KCNB2: variants seen among roughly 807,000 people sequenced by gnomAD.
KCNB2 encodes the protein potassium voltage-gated channel subfamily B member 2, also known as delayed rectifier potassium channel protein.
KCNB2 carries 15 observed loss-of-function variants against 61.5 expected under a neutral mutation model. The ratio of observed to expected loss-of-function variants is 0.24; its 90% confidence interval spans 0.16 to 0.38. KCNB2 has a LOEUF of 0.38. Among genes scored for constraint, KCNB2 ranks in the 10% least tolerant of loss-of-function variants. The pLI is 1.00. For missense variants in KCNB2, 828 were observed against 1,125.2 expected (o/e 0.74, Z 3.78); for synonymous variants, 457 against 446.0 (o/e 1.02, Z -0.31).
At chr8:72,722,230 C>G (rs1807562860) in intron 2 of KCNB2, among the ~76,000 whole-genome samples, 1 of 152,208 alleles carries the variant, frequency 6.6e-6, no homozygotes, top group African/African-American at 2.4e-5. Flanking sequence ...CCTGCACATT[C>G]TCTGGCCCCC....
In KCNB2 at chr8:72,784,887, A is replaced by G. The variant is rs1438425866; in HGVS notation, c.580-151048A>G. 3.3e-5 allele frequency among the ~76,000 whole-genome samples: 5 copies of G among 152,084 alleles called. No individual in the cohort carries two copies. In the East Asian group the frequency reaches 9.6e-4, roughly 29 times the overall value. Reference sequence around the variant, plus strand: ...CTTGCCCCTCATCCCCTGCACAATAAAAGTTTGTTGAAGGAGAAAGGAACC... The same window carrying G: ...CTTGCCCCTCATCCCCTGCACAATAGAAGTTTGTTGAAGGAGAAAGGAACC... On this transcript the variant is annotated intron_variant, in intron 2 of 2. Coordinates refer to ENST00000523207, the MANE Select transcript of KCNB2 (RefSeq NM_004770.3).
chr8:72,609,136 T>C (rs1459702610), intron 2 of KCNB2, among the ~76,000 whole-genome samples: 4 of 152,168 alleles, frequency 2.6e-5, no homozygotes, highest in African/African-American at 9.7e-5. Flanking sequence ...ACCCAGAGCA[T>C]TGAAGAGAAT....
At chr8:72,917,694 A>G (rs1806429621) in intron 2 of KCNB2, among the ~76,000 whole-genome samples, 1 of 152,240 alleles carries the variant, frequency 6.6e-6, no homozygotes, top group Non-Finnish European at 1.5e-5. Context: ...ATACCAAAAT[A>G]TATTTTCCAG....
At chr8:72,732,812 C>T (rs909151641) in intron 2 of KCNB2, among the ~76,000 whole-genome samples, 1 of 152,146 alleles carries the variant, frequency 6.6e-6, no homozygotes, top group African/African-American at 2.4e-5. Context: ...GCTGCCTACT[C>T]AGCCCTGGTG....
intron 2 of KCNB2, among the ~76,000 whole-genome samples, chr8:72,697,768 ATGAT>A (rs1807041562): frequency 6.6e-6 from 1 of 152,328 alleles, no homozygotes; most frequent in African/African-American, 2.4e-5. Flanking sequence ...CATTAAAAAA[ATGAT>A]TTTTTTTCTA....
At chr8:72,560,821 T>G (rs960997568) in intron 1 of KCNB2, among the ~76,000 whole-genome samples, 1 of 152,172 alleles carries the variant, frequency 6.6e-6, no homozygotes, top group African/African-American at 2.4e-5. Context: ...GTTTTTTTTC[T>G]GGTCAGCTAT....
intron 2 of KCNB2, among the ~76,000 whole-genome samples, chr8:72,668,533 A>C (rs1011787219): frequency 6.6e-6 from 1 of 151,876 alleles, no homozygotes; most frequent in Admixed American, 6.6e-5. Context: ...TTTACTGCAC[A>C]CTCACCAGCC....
At chr8:72,782,250 AG>A (rs1165991306) in intron 2 of KCNB2, among the ~76,000 whole-genome samples, 1 of 152,164 alleles carries the variant, frequency 6.6e-6, no homozygotes, top group Non-Finnish European at 1.5e-5. Context: ...TAAGAATTCC[AG>A]GGAAGTCCAC....
Position 72,537,814 on chromosome 8 carries a change from A to T in KCNB2, c.-165A>T, listed in dbSNP as rs1407181624. ...TCGCGGGGAGAGGCTCCCCGGAGGG[A>T]GCGGGGAATCCCACAGCCCTTTGTG... is the stretch of plus-strand genomic sequence containing the variant. On this transcript the variant is annotated 5_prime_UTR_variant, in exon 1 of 3. Coordinates refer to ENST00000523207, the MANE Select transcript of KCNB2 (RefSeq NM_004770.3). The T allele has an allele frequency of 6.6e-6, 1 of 151,944 alleles. No homozygotes were observed. The highest frequency in any genetic ancestry group is 1.5e-5 in the Non-Finnish European group (1 of 68,120). The allele number at this position is 151,944 out of a possible 1,614,324, so 9.4% of individuals were successfully genotyped here.
At chr8:72,583,464 GCAAAAAAAAAA>G (rs1302564470) in intron 2 of KCNB2, among the ~76,000 whole-genome samples, 2 of 143,398 alleles carry the variant, frequency 1.4e-5, no homozygotes, top group Admixed American at 1.4e-4. Flanking sequence ...AAATTCTGTG[GCAAAAAAAAAA>G]CAAAAAAAAA....
At chr8:72,733,804 C>T (rs927224826) in intron 2 of KCNB2, among the ~76,000 whole-genome samples, 5 of 151,826 alleles carry the variant, frequency 3.3e-5, no homozygotes, top group Non-Finnish European at 5.9e-5. Context: ...GTGGATGACT[C>T]GGAAGGCACC....
At chr8:72,818,672 A>G (rs1431255258) in intron 2 of KCNB2, among the ~76,000 whole-genome samples, 1 of 152,146 alleles carries the variant, frequency 6.6e-6, no homozygotes, top group Non-Finnish European at 1.5e-5. Flanking sequence ...TTTCTTATTC[A>G]TCTGCTAATT....
intron 2 of KCNB2, among the ~76,000 whole-genome samples, chr8:72,639,144 G>A (rs1177663515): frequency 6.6e-6 from 1 of 152,126 alleles, no homozygotes; most frequent in Non-Finnish European, 1.5e-5. Flanking sequence ...AATAAAGGAA[G>A]CTAGAACTAT....
intron 2 of KCNB2, among the ~76,000 whole-genome samples, chr8:72,773,153 C>T (rs1259253481): frequency 3.9e-5 from 6 of 152,178 alleles, no homozygotes; most frequent in African/African-American, 1.2e-4. Context: ...TTGGCCCGGT[C>T]ATGTTCTAGA....
intron 2 of KCNB2, among the ~76,000 whole-genome samples, chr8:72,670,468 G>T (rs146338760): frequency 2.0e-5 from 3 of 152,054 alleles, no homozygotes; most frequent in Admixed American, 2.0e-4. Flanking sequence ...AACAGTCTGG[G>T]CTGTTCATCT....
At chr8:72,914,654 A>C (rs1420163864) in intron 2 of KCNB2, among the ~76,000 whole-genome samples, 3 of 152,210 alleles carry the variant, frequency 2.0e-5, no homozygotes. Flanking sequence ...GATCTAAGGG[A>C]GAAGACAGGA....
chr8:72,761,528 GAACCTTCAGGGAGGAGAGATTGTGTTTA>G (rs1352514118), intron 2 of KCNB2, among the ~76,000 whole-genome samples: 2 of 152,198 alleles, frequency 1.3e-5, no homozygotes, highest in Non-Finnish European at 2.9e-5. Context: ...GTGATTGCTG[GAACCTTCAGGGAGGAGAGATTGTGTTTA>G]TAATGAGAGG....
intron 1 of KCNB2, among the ~76,000 whole-genome samples, chr8:72,549,734 G>A (rs1239952895): frequency 1.3e-5 from 2 of 152,072 alleles, no homozygotes; most frequent in Admixed American, 6.6e-5. Context: ...TTCACCACAC[G>A]CCTGTGTTCT....
At chr8:72,756,590 T>C (rs1314631678) in intron 2 of KCNB2, among the ~76,000 whole-genome samples, 1 of 152,200 alleles carries the variant, frequency 6.6e-6, no homozygotes, top group African/African-American at 2.4e-5. Context: ...AGCTTCCTAA[T>C]TGATTCCAAT....
Sources: allele counts gnomAD v4.1 joint callset (sites outside exome capture counted in the v4.1 genomes callset), GRCh38; gene constraint gnomAD v4.1.1; transcripts MANE v1.5; gene names NCBI Gene and HGNC (gene_info 2026-07-23, HGNC 2026-07-21).